KCNH5: variants seen among roughly 807,000 people sequenced by gnomAD.
KCNH5 encodes the protein voltage-gated delayed rectifier potassium channel KCNH5.
A neutral mutation model predicts 96.1 loss-of-function variants in KCNH5; 46 were observed. The ratio of observed to expected loss-of-function variants is 0.48; its 90% CI spans 0.38 to 0.61. The LOEUF (loss-of-function observed/expected upper bound fraction) is 0.61, where lower values mean the gene tolerates loss of function less well. Ranked by LOEUF, KCNH5 falls within the 20% of genes least tolerant of loss-of-function variation. The pLI is 0.00. For synonymous variants in KCNH5, 439 were observed against 449.8 expected (o/e 0.98, Z 0.30); for missense variants, 907 against 1,225.8 (o/e 0.74, Z 3.88).
At chr14:62,970,852 A>G (rs1264616167) in intron 6 of KCNH5, among the ~76,000 whole-genome samples, 9 of 151,028 alleles carry the variant, frequency 6.0e-5, no homozygotes, top group Non-Finnish European at 7.4e-5. Flanking sequence ...ATTCTTCAAC[A>G]TGATAAAGAA....
At chr14:62,848,527 C>T (rs1287851814) in intron 8 of KCNH5, among the ~76,000 whole-genome samples, 1 of 152,138 alleles carries the variant, frequency 6.6e-6, no homozygotes, top group Admixed American at 6.6e-5. Flanking sequence ...ATCTCACCTG[C>T]ACTCCCTCTG....
chr14:62,778,452 AT>A (rs1363336792), intron 10 of KCNH5, among the ~76,000 whole-genome samples: 1 of 152,166 alleles, frequency 6.6e-6, no homozygotes, highest in Admixed American at 6.5e-5. Context: ...TTGAAGGGAA[AT>A]TTGTCATTGC....
At chr14:62,875,923 C>G (rs1192156259) in intron 7 of KCNH5, among the ~76,000 whole-genome samples, 2 of 152,166 alleles carry the variant, frequency 1.3e-5, no homozygotes, top group Admixed American at 6.5e-5. Context: ...TATCCCAGCA[C>G]TTTGGGAGGC....
At position 62,719,094 on chromosome 14, in the gene KCNH5, T is replaced by C. The variant is rs147552159; in HGVS notation, c.2020-10639A>G. The stretch of plus-strand genomic sequence containing the variant: ...ACCACAAATGTTTGTGGGTTTCTTC[T>C]GGGGATGATGAAAATGTTCTAGAAT... On this transcript the variant is annotated intron_variant, in intron 10 of 10. Coordinates refer to ENST00000322893, the MANE Select transcript of KCNH5 (RefSeq NM_139318.5). 7.2e-5 allele frequency among the ~76,000 whole-genome samples: 11 copies of C among 152,348 alleles called. No homozygotes were observed. In the East Asian group the frequency reaches 2.1e-3, roughly 29 times the overall value.
intron 4 of KCNH5, among the ~76,000 whole-genome samples, chr14:62,999,503 C>T (rs946697376): frequency 1.4e-4 from 22 of 151,894 alleles, no homozygotes; most frequent in African/African-American, 4.6e-4. Flanking sequence ...GAGAATGTGG[C>T]ACATACACAC....
At chr14:62,879,519 A>G (rs1340491359) in intron 7 of KCNH5, among the ~76,000 whole-genome samples, 1 of 152,138 alleles carries the variant, frequency 6.6e-6, no homozygotes. Context: ...ATTATTGAAC[A>G]TTTAGGTTAT....
intron 10 of KCNH5, among the ~76,000 whole-genome samples, chr14:62,762,180 C>T (rs61994834): frequency 0.054 from 8,184 of 152,050 alleles, 308 homozygotes; most frequent in Non-Finnish European, 0.079. Context: ...TGGGGACACC[C>T]GTTCCCCAAG....
At chr14:63,006,084 T>A (rs969304107) in intron 3 of KCNH5, among the ~76,000 whole-genome samples, 1 of 152,232 alleles carries the variant, frequency 6.6e-6, no homozygotes, top group African/African-American at 2.4e-5. Flanking sequence ...CACATAATTA[T>A]AGGATCTTTA....
chr14:63,028,882 G>A (rs1200817820), intron 1 of KCNH5, among the ~76,000 whole-genome samples: 1 of 152,088 alleles, frequency 6.6e-6, no homozygotes, highest in Non-Finnish European at 1.5e-5. Context: ...TGCTCACATA[G>A]TCAATTAGAC....
At chr14:62,934,599 C>T (rs942671431) in intron 7 of KCNH5, among the ~76,000 whole-genome samples, 5 of 152,168 alleles carry the variant, frequency 3.3e-5, no homozygotes, top group Admixed American at 6.5e-5. Context: ...CCTAGCTCTT[C>T]CTAATGACCC....
At chr14:62,913,146 T>C (rs1369124707) in intron 7 of KCNH5, among the ~76,000 whole-genome samples, 1 of 152,234 alleles carries the variant, frequency 6.6e-6, no homozygotes, top group African/African-American at 2.4e-5. Flanking sequence ...ATAAATCTGA[T>C]GCATCTTGTT....
At chr14:62,868,546 TTTTAA>T (rs557151176) in intron 7 of KCNH5, among the ~76,000 whole-genome samples, 15 of 152,348 alleles carry the variant, frequency 9.8e-5, no homozygotes, top group Non-Finnish European at 2.1e-4. Flanking sequence ...TTTTAAAATT[TTTTAA>T]TTTAATTTTA....
intron 10 of KCNH5, among the ~76,000 whole-genome samples, chr14:62,726,520 T>C (rs1488454037): frequency 3.3e-5 from 5 of 152,068 alleles, no homozygotes; most frequent in African/African-American, 1.2e-4. Flanking sequence ...ATTAAATATA[T>C]GGGACAGTGT....
chr14:62,806,893 G>A (rs1301778262), intron 8 of KCNH5, among the ~76,000 whole-genome samples: 1 of 152,094 alleles, frequency 6.6e-6, no homozygotes, highest in African/African-American at 2.4e-5. Context: ...GATGGCTGTG[G>A]GTGACAGGGT....
intron 10 of KCNH5, among the ~76,000 whole-genome samples, chr14:62,769,188 T>G (rs1885931896): frequency 6.6e-6 from 1 of 152,266 alleles, no homozygotes; most frequent in Admixed American, 6.5e-5. Context: ...ACAGTGTTGA[T>G]TTCAAGCTCA....
At chr14:63,033,497 T>C (rs1351842700) in intron 1 of KCNH5, among the ~76,000 whole-genome samples, 2 of 152,224 alleles carry the variant, frequency 1.3e-5, no homozygotes, top group African/African-American at 4.8e-5. Flanking sequence ...TAGATCCCAA[T>C]GCACACGATC....
intron 10 of KCNH5, among the ~76,000 whole-genome samples, chr14:62,734,626 T>C (rs1407121651): frequency 6.6e-6 from 1 of 152,116 alleles, no homozygotes; most frequent in Non-Finnish European, 1.5e-5. Flanking sequence ...ACTAGCCTCC[T>C]GCTCATAAGT....
At chr14:62,915,050 C>A (rs1595682727) in intron 7 of KCNH5, among the ~76,000 whole-genome samples, 1 of 152,226 alleles carries the variant, frequency 6.6e-6, no homozygotes, top group East Asian at 1.9e-4. Context: ...CGGAATCAGA[C>A]CAATGCACCA....
chr14:63,032,674 C>T (rs2139625013), intron 1 of KCNH5, among the ~76,000 whole-genome samples: 2 of 152,278 alleles, frequency 1.3e-5, no homozygotes, highest in Admixed American at 1.3e-4. Flanking sequence ...TCTGAAACTA[C>T]ATGTTTCTAA....
Sources: gnomAD v4.1 joint callset for allele counts (sites outside exome capture counted in the v4.1 genomes callset) on GRCh38, gnomAD v4.1.1 for gene constraint, MANE v1.5 for transcripts, NCBI Gene and HGNC (gene_info 2026-07-23, HGNC 2026-07-21) for gene names.